The following WASF2 variants were observed in gnomAD, a reference collection of about 807,000 sequenced individuals.
WASF2 encodes the protein actin-binding protein WASF2.
A neutral mutation model predicts 45.0 loss-of-function variants in WASF2; 14 were observed. The ratio of observed to expected loss-of-function variants is 0.31; its 90% CI spans 0.21 to 0.49. The LOEUF is 0.49. Ranked by LOEUF, WASF2 falls within the 20% of genes least tolerant of loss-of-function variation. The probability of loss-of-function intolerance (pLI) is 0.99; values close to 1 mark genes in which losing one functional copy is unlikely to be tolerated. For synonymous variants in WASF2, 200 were observed against 236.3 expected (o/e 0.85, Z 1.41); for missense variants, 439 against 636.1 (o/e 0.69, Z 3.33).
chr1:27,478,177 T>C (rs990049173), intron 1 of WASF2, among the ~76,000 whole-genome samples: 6 of 147,954 alleles, frequency 4.1e-5, no homozygotes, highest in African/African-American at 1.5e-4. Flanking sequence ...GCCACTGCAC[T>C]CTAACCTGGG....
chr1:27,438,857 T>C (rs577063199), intron 1 of WASF2, among the ~76,000 whole-genome samples: 1 of 152,324 alleles, frequency 6.6e-6, no homozygotes, highest in African/African-American at 2.4e-5. Context: ...GTCACACACA[T>C]ATCTGTCACT....
Position 27,408,220 on chromosome 1 carries a change from G to A in WASF2, c.1466C>T (p.Ser489Phe). ...GGACCAGTCGTCCTCATCAAATTCA[G>A]AGGAGTCATCTTCTGAGTCACTGTA... ...VEYSDSEDDS[S>F]EFDEDDWSD The change falls in exon 9 of 9, where the codon TCT becomes TTT. Residue 489 changes from serine (S) to phenylalanine (F), a missense_variant. Transcript: ENST00000618852. The A allele has an allele frequency of 1.2e-6, 2 of 1,614,130 alleles. No individual in the cohort carries two copies. The highest frequency in any genetic ancestry group is 1.7e-6 in the Non-Finnish European group (2 of 1,179,986).
At chr1:27,440,736 A>C (rs865806089) in intron 1 of WASF2, among the ~76,000 whole-genome samples, 1 of 152,078 alleles carries the variant, frequency 6.6e-6, no homozygotes. Flanking sequence ...GTCTTTAAAA[A>C]ATCTCTCTAA....
chr1:27,457,626 T>C (rs1334976688), intron 1 of WASF2, among the ~76,000 whole-genome samples: 5 of 151,880 alleles, frequency 3.3e-5, no homozygotes, highest in Non-Finnish European at 5.9e-5. Context: ...GTGACCTTTT[T>C]TTTTTTTTTT....
At chr1:27,466,770 G>C (rs889211540) in intron 1 of WASF2, among the ~76,000 whole-genome samples, 3 of 152,018 alleles carry the variant, frequency 2.0e-5, no homozygotes, top group Admixed American at 6.6e-5. Context: ...GGGAGGCTGA[G>C]GTGGGAGCCC....
intron 1 of WASF2, among the ~76,000 whole-genome samples, chr1:27,484,825 ATACTC>A (rs1011178828): frequency 6.6e-6 from 1 of 151,618 alleles, no homozygotes; most frequent in Non-Finnish European, 1.5e-5. Flanking sequence ...AAAAAAAAGA[ATACTC>A]TAAAGGAAAA....
chr1:27,440,317 C>CT (rs1421719408), intron 1 of WASF2, among the ~76,000 whole-genome samples: 2 of 152,118 alleles, frequency 1.3e-5, no homozygotes, highest in Non-Finnish European at 2.9e-5. Flanking sequence ...TGAGCTCACG[C>CT]TTTTTAGACC....
At chr1:27,476,499 C>A (rs2017768255) in intron 1 of WASF2, among the ~76,000 whole-genome samples, 1 of 152,108 alleles carries the variant, frequency 6.6e-6, no homozygotes, top group Admixed American at 6.5e-5. Flanking sequence ...ATCTCCAACA[C>A]TGGGTATTAC....
At chr1:27,446,576 T>C (rs2017312199) in intron 1 of WASF2, among the ~76,000 whole-genome samples, 1 of 151,594 alleles carries the variant, frequency 6.6e-6, no homozygotes, top group Non-Finnish European at 1.5e-5. Context: ...AGCCCAGGAG[T>C]TGGAGGCCAG....
chr1:27,432,458 C>A (rs1238560678), intron 1 of WASF2, among the ~76,000 whole-genome samples: 1 of 151,702 alleles, frequency 6.6e-6, no homozygotes, highest in East Asian at 1.9e-4. Flanking sequence ...ACCATCCTGG[C>A]TAACATGGTG....
intron 1 of WASF2, among the ~76,000 whole-genome samples, chr1:27,479,305 G>C (rs1289018519): frequency 6.6e-6 from 1 of 151,634 alleles, no homozygotes; most frequent in African/African-American, 2.4e-5. Flanking sequence ...AAAAATCTTG[G>C]CTAGGCTTGG....
chr1:27,458,296 G>C (rs1228525878), intron 1 of WASF2, among the ~76,000 whole-genome samples: 1 of 100,680 alleles, frequency 9.9e-6, no homozygotes, highest in Non-Finnish European at 1.8e-5. Flanking sequence ...CTGGGTGACA[G>C]AGCGAGATTC....
At chr1:27,477,844 A>G (rs2017786966) in intron 1 of WASF2, among the ~76,000 whole-genome samples, 1 of 102,464 alleles carries the variant, frequency 9.8e-6, no homozygotes, top group East Asian at 4.4e-4. Flanking sequence ...GCTTGCAGTG[A>G]GCCGAGATCC....
chr1:27,467,736 C>T lies in WASF2; in HGVS notation c.-44+22250G>A, dbSNP rs183150339. On this transcript the variant is annotated intron_variant, in intron 1 of 8. Coordinates refer to ENST00000618852, the MANE Select transcript of WASF2 (RefSeq NM_006990.5). ...GACCAGCCTGGCTGACACGGTGAGA[C>T]TCTATCTCTACTAAAAATATAAAAA... is the stretch of plus-strand genomic sequence containing the variant. 1.1e-3 allele frequency among the ~76,000 whole-genome samples: 173 copies of T among 151,636 alleles called. 2 individuals are homozygous for T. The highest frequency in any genetic ancestry group is 3.8e-3 in the African/African-American group (158 of 41,454).
intron 1 of WASF2, among the ~76,000 whole-genome samples, chr1:27,467,060 T>C (rs1209844511): frequency 6.7e-6 from 1 of 149,512 alleles, no homozygotes; most frequent in Non-Finnish European, 1.5e-5. Context: ...ATAAAAAATA[T>C]AAAAATTAGC....
chr1:27,431,640 CAG>C (rs1336132824), intron 1 of WASF2, among the ~76,000 whole-genome samples: 1 of 152,152 alleles, frequency 6.6e-6, no homozygotes, highest in Non-Finnish European at 1.5e-5. Context: ...TGACCAATGA[CAG>C]GGCATTCTGG....
intron 1 of WASF2, chr1:27,459,518 A>C (rs1449875745): frequency 6.6e-6 from 1 of 152,228 alleles, no homozygotes; most frequent in African/African-American, 2.4e-5. Context: ...CACTGAATTT[A>C]AAGAAAACAG....
chr1:27,429,573 C>T (rs939749646), intron 1 of WASF2, among the ~76,000 whole-genome samples: 4 of 151,960 alleles, frequency 2.6e-5, no homozygotes, highest in Admixed American at 6.6e-5. Flanking sequence ...GCCAGGAGTT[C>T]GAGAGCAGCC....
intron 1 of WASF2, among the ~76,000 whole-genome samples, chr1:27,467,555 C>A (rs1171883581): frequency 6.6e-6 from 1 of 151,040 alleles, no homozygotes; most frequent in East Asian, 2.0e-4. Flanking sequence ...CCCGCCTTGA[C>A]CTCCCAAAGT....
Sources: gnomAD v4.1 joint callset for allele counts (sites outside exome capture counted in the v4.1 genomes callset) on GRCh38, gnomAD v4.1.1 for gene constraint, MANE v1.5 for transcripts, NCBI Gene and HGNC (gene_info 2026-07-23, HGNC 2026-07-21) for gene names.